Variants in TCF24 observed in about 807,000 individuals in gnomAD.
TCF24 encodes transcription factor 24.
Under a neutral mutation model 9.3 loss-of-function variants are expected in TCF24, and 5 were observed. The ratio of observed to expected loss-of-function variants is 0.54; its 90% CI spans 0.28 to 1.13. TCF24 has a LOEUF of 1.13. TCF24 is among the 50% of genes most tolerant of loss of function. The pLI is 0.09. For synonymous variants in TCF24, 110 were observed against 115.8 expected (o/e 0.95, Z 0.32); for missense variants, 220 against 236.1 (o/e 0.93, Z 0.45).
intron 3 of TCF24, among the ~76,000 whole-genome samples, chr8:66,957,111 C>CAAAAA (rs1165600722): frequency 6.4e-5 from 1 of 15,726 alleles, no homozygotes; most frequent in Non-Finnish European, 1.5e-4. Context: ...GACTCCGTCT[C>CAAAAA]AAAAAAAAAA....
At chr8:66,959,622 G>C (rs1814222347) in intron 3 of TCF24, among the ~76,000 whole-genome samples, 1 of 152,132 alleles carries the variant, frequency 6.6e-6, no homozygotes, top group South Asian at 2.1e-4. Context: ...GTTCATATAG[G>C]AAAGGGACTG....
Position 66,961,378 on chromosome 8 carries a change from T to C in TCF24, c.388A>G (p.Lys130Glu). ...LRGDGYLHPV[K>E]KWPMRSRLYI... The stretch of plus-strand genomic sequence containing the variant: ...CGCGGTGCGCCCCGCCCGCTTACCT[T>C]GACCGGGTGCAGGTAGCCATCGCCG... Residue 130 changes from lysine to glutamate, a missense_variant and splice_region_variant, in exon 3 of 4, where the codon AAG becomes GAG. Transcript: ENST00000563496. 6.7e-7 allele frequency: 1 copy of C among 1,488,880 alleles called. No individual in the cohort carries two copies. Among genetic ancestry groups the C allele is most frequent in the Non-Finnish European group, 8.9e-7 (1 of 1,125,970 alleles). The allele number at this position is 1,488,880 out of a possible 1,614,324, so 92.2% of individuals were successfully genotyped here. A position where few individuals can be genotyped will look rare whatever the true frequency, so the allele number is the denominator to read the frequency against.
At chr8:66,961,277 G>A (rs1040491946) in intron 3 of TCF24, 99 bp downstream of exon 3, 3 of 1,295,602 alleles carry the variant, frequency 2.3e-6, no homozygotes, top group Non-Finnish European at 2.9e-6. Context: ...CGCCTCACCC[G>A]AAAAGGAATT....
intron 3 of TCF24, chr8:66,954,974 C>G (rs2130900085): frequency 6.4e-6 from 1 of 155,050 alleles, no homozygotes; most frequent in East Asian, 1.9e-4. Flanking sequence ...CGCGCACCCA[C>G]TGACCTGCGC....
intron 1 of TCF24, 117 bp downstream of exon 1, chr8:66,962,212 C>A (rs1380146760): frequency 6.6e-6 from 1 of 152,310 alleles, no homozygotes; most frequent in Non-Finnish European, 1.5e-5. Flanking sequence ...CGGCCTTTCA[C>A]GCCAGGGGGG....
At chr8:66,948,654 A>ACTACCTATCTAT (rs753354852) in intron 3 of TCF24, among the ~76,000 whole-genome samples, 4 of 146,532 alleles carry the variant, frequency 2.7e-5, no homozygotes, top group Non-Finnish European at 6.0e-5. Context: ...AAAAGTGTCA[A>ACTACCTATCTAT]CTATCTATCT....
At chr8:66,950,882 GCT>G (rs1362771042) in intron 3 of TCF24, among the ~76,000 whole-genome samples, 1 of 150,884 alleles carries the variant, frequency 6.6e-6, no homozygotes, top group Non-Finnish European at 1.5e-5. Context: ...TCATGATTTG[GCT>G]CTCTGTTTGT....
chr8:66,956,954 C>T (rs1288660525), intron 3 of TCF24, among the ~76,000 whole-genome samples: 2 of 151,442 alleles, frequency 1.3e-5, no homozygotes, highest in Non-Finnish European at 2.9e-5. Context: ...CCTGTAAGCC[C>T]AGCACTTTAG....
intron 3 of TCF24, 123 bp from the exon 4 acceptor site, chr8:66,948,287 A>T: frequency 1.7e-6 from 1 of 600,778 alleles, no homozygotes. Context: ...GCTAATAACA[A>T]TTATAAGTAT....
At chr8:66,948,992 C>G (rs1389786181) in intron 3 of TCF24, among the ~76,000 whole-genome samples, 2 of 152,056 alleles carry the variant, frequency 1.3e-5, no homozygotes, top group African/African-American at 4.8e-5. Context: ...TAAATCTTAT[C>G]TAGCTAAAAA....
In TCF24 at chr8:66,948,124, C is replaced by T. The variant is rs1813991480; in HGVS notation, c.431G>A (p.Gly144Asp). 1 of 1,534,754 alleles carries T rather than the reference C, an allele frequency of 6.5e-7. No homozygotes were observed. Among genetic ancestry groups the T allele is most frequent in the African/African-American group, 1.4e-5 (1 of 73,018 alleles). The change falls in exon 4 of 4, where the codon GGT (glycine) becomes GAT (aspartate). Residue 144 changes from glycine to aspartate, a missense_variant. Physicochemically the swap from Gly to Asp is moderately conservative, Grantham distance 94. Coordinates refer to ENST00000563496, the MANE Select transcript of TCF24 (RefSeq NM_001193502.2). Reference sequence around the variant, plus strand: ...AGAAACAGAATGCTTCAGAAACTGACCAGTAGCACCGATGTACAATCTTGA... The same window carrying T: ...AGAAACAGAATGCTTCAGAAACTGATCAGTAGCACCGATGTACAATCTTGA... ...MRSRLYIGAT[G>D]QFLKHSVSGE...
chr8:66,961,220 G>T (rs1048712325), intron 3 of TCF24, among the ~76,000 whole-genome samples, 156 bp downstream of exon 3: 10 of 152,166 alleles, frequency 6.6e-5, no homozygotes, highest in Non-Finnish European at 1.3e-4. Context: ...CGGGGACCTT[G>T]CCACCAGTAC....
At chr8:66,957,895 T>TAAAAAAA (rs11299517) in intron 3 of TCF24, among the ~76,000 whole-genome samples, 4 of 43,036 alleles carry the variant, frequency 9.3e-5, no homozygotes, top group Admixed American at 3.5e-4. Context: ...TAAGAATTGC[T>TAAAAAAA]AAAAAAAAAA....
Position 66,947,598 on chromosome 8 carries a change from A to T in TCF24, c.*453T>A, listed in dbSNP as rs899208987. On this transcript the variant is annotated 3_prime_UTR_variant, in exon 4 of 4. Transcript: ENST00000563496. ...TCATATTACTGCAACAGTTTTCTTC[A>T]ATTGAAATGGTGTCTTAGATCAACT... 1 of 152,382 alleles carries T rather than the reference A, an allele frequency of 6.6e-6. No homozygotes were observed. The highest frequency in any genetic ancestry group is 1.5e-5 in the Non-Finnish European group (1 of 68,170). 9.4% of individuals were successfully genotyped at this position (152,382 alleles called of 1,614,324 possible).
chr8:66,959,193 T>C (rs1393441878), intron 3 of TCF24, among the ~76,000 whole-genome samples: 1 of 152,218 alleles, frequency 6.6e-6, no homozygotes, highest in Non-Finnish European at 1.5e-5. Flanking sequence ...ACAGTGGTAA[T>C]GTGCTAACAA....
chr8:66,950,030 C>A (rs1180514788), intron 3 of TCF24, among the ~76,000 whole-genome samples: 1 of 128,182 alleles, frequency 7.8e-6, no homozygotes, highest in Non-Finnish European at 1.6e-5. Context: ...GAGTAGGTTG[C>A]GAAAATTTTC....
Position 66,953,167 on chromosome 8 carries a change from G to A in TCF24, c.391-5003C>T, listed in dbSNP as rs1222270167. ...TGTTAGCTGGTGATTTTGCTCGTTA[G>A]TTGATGCAGTTTCTTCCTAGTCTCG... On this transcript the variant is annotated intron_variant, in intron 3 of 3. Transcript: ENST00000563496. 2.0e-5 allele frequency among the ~76,000 whole-genome samples: 3 copies of A among 151,766 alleles called. No individual in the cohort carries two copies. The East Asian group carries it at 5.8e-4, about 29-fold the overall frequency.
chr8:66,949,262 A>C (rs1185836794), intron 3 of TCF24, among the ~76,000 whole-genome samples: 27 of 137,886 alleles, frequency 2.0e-4, no homozygotes, highest in African/African-American at 3.3e-4. Flanking sequence ...CCCTCCTCCC[A>C]CCCCACCACA....
At chr8:66,949,733 G>C (rs539858479) in intron 3 of TCF24, among the ~76,000 whole-genome samples, 1 of 151,888 alleles carries the variant, frequency 6.6e-6, no homozygotes, top group African/African-American at 2.4e-5. Context: ...CAGTGTAAAA[G>C]TGTTCCTGTT....
Sources: gnomAD v4.1 joint callset for allele counts (sites outside exome capture counted in the v4.1 genomes callset) on GRCh38, gnomAD v4.1.1 for gene constraint, MANE v1.5 for transcripts, NCBI Gene and HGNC (gene_info 2026-07-23, HGNC 2026-07-21) for gene names.